The following BAZ1A variants were observed in gnomAD, a reference collection of about 807,000 sequenced individuals.
BAZ1A encodes bromodomain adjacent to zinc finger domain protein 1A.
A neutral mutation model predicts 185.2 loss-of-function variants in BAZ1A; 50 were observed. The observed-to-expected ratio is 0.27, with a 90% CI of 0.22 to 0.34. BAZ1A has a LOEUF of 0.34. Ranked by LOEUF, BAZ1A falls within the 10% of genes least tolerant of loss-of-function variation. The probability of loss-of-function intolerance (pLI) is 1.00; values close to 1 mark genes in which losing one functional copy is unlikely to be tolerated. For synonymous variants in BAZ1A, 571 were observed against 615.6 expected, an observed-to-expected ratio of 0.93 and a Z score of 1.07; for missense variants, 1,356 against 1,839.9, an observed-to-expected ratio of 0.74 and a Z score of 4.81.
intron 3 of BAZ1A, among the ~76,000 whole-genome samples, chr14:34,827,513 A>G (rs888975916): frequency 6.6e-5 from 10 of 152,114 alleles, no homozygotes; most frequent in African/African-American, 2.4e-4. Context: ...AGGCGGGTGG[A>G]TCACGAGGTC....
At chr14:34,817,002 C>A (rs1017956295) in intron 4 of BAZ1A, 23 of 192,314 alleles carry the variant, frequency 1.2e-4, no homozygotes, top group Middle Eastern at 2.3e-3. Context: ...TCTTGAACGG[C>A]AAACATTAAG....
intron 9 of BAZ1A, among the ~76,000 whole-genome samples, chr14:34,797,202 A>C (rs1193434352): frequency 2.6e-5 from 4 of 152,246 alleles, no homozygotes; most frequent in African/African-American, 9.6e-5. Flanking sequence ...ATAAAACTTT[A>C]AATGGTGAGT....
At chr14:34,846,672 A>G (rs1337936369) in intron 3 of BAZ1A, among the ~76,000 whole-genome samples, 4 of 152,198 alleles carry the variant, frequency 2.6e-5, no homozygotes, top group African/African-American at 7.2e-5. Flanking sequence ...TGACTTCCCA[A>G]TTTATACTAT....
At chr14:34,760,839 T>C (rs1048176381) in intron 24 of BAZ1A, among the ~76,000 whole-genome samples, 11 of 151,814 alleles carry the variant, frequency 7.2e-5, no homozygotes, top group Non-Finnish European at 7.4e-5. Context: ...GTGACTGGTA[T>C]AATTAATAAT....
At chr14:34,849,268 G>A (rs1286792238) in intron 3 of BAZ1A, among the ~76,000 whole-genome samples, 1 of 152,200 alleles carries the variant, frequency 6.6e-6, no homozygotes, top group Non-Finnish European at 1.5e-5. Flanking sequence ...CTAGGTGACA[G>A]AGTGAGACTG....
chr14:34,778,044 T>A (rs1594828337), intron 17 of BAZ1A, among the ~76,000 whole-genome samples: 1 of 152,140 alleles, frequency 6.6e-6, no homozygotes, highest in Non-Finnish European at 1.5e-5. Flanking sequence ...ATACAAACTG[T>A]TATTTACTAA....
chr14:34,771,472 T>C (rs1300760956), intron 21 of BAZ1A, 39 bp downstream of exon 21: 7 of 1,572,068 alleles, frequency 4.5e-6, no homozygotes. Context: ...AAATTACTTA[T>C]AACACAACTA....
intron 4 of BAZ1A, 112 bp downstream of exon 4, chr14:34,825,901 G>A: frequency 9.2e-7 from 1 of 1,087,708 alleles, no homozygotes; most frequent in Non-Finnish European, 1.2e-6. Context: ...TCGAGCCACT[G>A]TACTCCAGCC....
chr14:34,764,289 C>CTTTTTTTTTTTT (rs34861206), intron 23 of BAZ1A, among the ~76,000 whole-genome samples: 74 of 111,842 alleles, frequency 6.6e-4, no homozygotes, highest in East Asian at 7.5e-4. Context: ...TTTTTCTTTT[C>CTTTTTTTTTTTT]TTTTTTTTTT....
chr14:34,848,878 T>G (rs2138783212), intron 3 of BAZ1A, among the ~76,000 whole-genome samples: 1 of 152,322 alleles, frequency 6.6e-6, no homozygotes, highest in South Asian at 2.1e-4. Context: ...AAAAGGCAGC[T>G]TATTATCTTC....
intron 4 of BAZ1A, among the ~76,000 whole-genome samples, chr14:34,822,120 C>T (rs2042099205): frequency 1.3e-5 from 2 of 151,938 alleles, no homozygotes; most frequent in Admixed American, 6.6e-5. Flanking sequence ...CATGGCAAAA[C>T]CCTGTCTCTA....
rs543510558 is a variant in BAZ1A, at chr14:34,755,806, CCTAT to C, written c.4387-896_4387-893del. Among the ~76,000 whole-genome samples, 851 of 151,268 alleles carry C rather than the reference CCTAT, an allele frequency of 5.6e-3. 9 individuals are homozygous for C. Among genetic ancestry groups the C allele is most frequent in the African/African-American group, 0.02 (816 of 41,128 alleles). ...ATTAGGCCATCACTGTTACCTAATA[CCTAT>C]CTTTTTTTTTTTTTTTCCTTTTCCT... On this transcript the variant is annotated intron_variant, in intron 25 of 26. Transcript: ENST00000360310.
chr14:34,784,367 CAAAAA>C (rs368815964), intron 14 of BAZ1A, among the ~76,000 whole-genome samples: 39 of 77,176 alleles, frequency 5.1e-4, no homozygotes, highest in African/African-American at 7.3e-4. Context: ...GACTCTGTCT[CAAAAA>C]AAAAAAAAAA....
At chr14:34,803,634 A>G (rs1002662797) in intron 6 of BAZ1A, among the ~76,000 whole-genome samples, 5 of 1,686 alleles carry the variant, frequency 3.0e-3, no homozygotes, top group South Asian at 0.029. Context: ...GAGATTTTCT[A>G]CATAAATGAA....
rs758737250 is a variant in BAZ1A, at chr14:34,754,846, C to T, written c.4455G>A (p.Lys1485=). ...ACTTACATGCTAATTTATATTCACA[C>T]TTATTCACTTTTTCACGAATTATAT... ...ALNIIREKVN[K]CEYKLASEFI... is the part of the protein sequence containing the mutation. Residue 1485 remains lysine (K), a synonymous_variant, in exon 26 of 27, where the codon AAG becomes AAA. Transcript: ENST00000360310. The T allele has an allele frequency of 9.0e-5, 144 of 1,598,468 alleles. No homozygotes were observed. Among genetic ancestry groups the T allele is most frequent in the Non-Finnish European group, 1.2e-4 (142 of 1,170,444 alleles).
chr14:34,869,011 C>T (rs892980528), intron 2 of BAZ1A, among the ~76,000 whole-genome samples: 4 of 149,948 alleles, frequency 2.7e-5, no homozygotes, highest in African/African-American at 9.8e-5. Flanking sequence ...TCGAGACCAT[C>T]CTGGCTAACA....
Position 34,794,801 on chromosome 14 carries a change from T to C in BAZ1A, c.1311A>G (p.Ala437=), listed in dbSNP as rs550564292. 1.2e-6 allele frequency: 2 copies of C among 1,614,090 alleles called. No homozygotes were observed. Among genetic ancestry groups the C allele is most frequent in the South Asian group, 1.1e-5 (1 of 91,086 alleles). Residue 437 remains alanine (A), a synonymous_variant, in exon 11 of 27, where the codon GCA becomes GCG. Transcript: ENST00000360310. ...CTTGAAGATCAAAAAGTTCCCCAAA[T>C]GCATTAAGGAACTCCAAAACCATCA... ...DALMVLEFLN[A]FGELFDLQDE...
At chr14:34,767,297 C>A (rs1193044962) in intron 21 of BAZ1A, among the ~76,000 whole-genome samples, 1 of 152,140 alleles carries the variant, frequency 6.6e-6, no homozygotes, top group East Asian at 1.9e-4. Context: ...CACCTGTAAT[C>A]CCAGCACTTT....
intron 3 of BAZ1A, among the ~76,000 whole-genome samples, chr14:34,839,076 T>C (rs1409123911): frequency 6.6e-6 from 1 of 152,122 alleles, no homozygotes; most frequent in Non-Finnish European, 1.5e-5. Context: ...TAGGCTATAA[T>C]TCAATTTATA....
Sources: allele counts gnomAD v4.1 joint callset (sites outside exome capture counted in the v4.1 genomes callset), GRCh38; gene constraint gnomAD v4.1.1; transcripts MANE v1.5; gene names NCBI Gene and HGNC (gene_info 2026-07-23, HGNC 2026-07-21).